The following TVP23A variants were observed in gnomAD, a reference collection of about 807,000 sequenced individuals.
The protein encoded by TVP23A is Golgi apparatus membrane protein TVP23 homolog A.
In TVP23A, 21 loss-of-function variants were observed where a neutral mutation model predicts 31.7. The observed-to-expected ratio is 0.66, with a 90% CI of 0.47 to 0.95. The LOEUF (loss-of-function observed/expected upper bound fraction) is 0.95. Ranked by LOEUF, TVP23A falls within the 40% of genes least tolerant of loss-of-function variation. The pLI, the probability that TVP23A is intolerant of heterozygous loss-of-function variation, is 0.00. For missense variants in TVP23A, 279 were observed against 255.6 expected, an observed-to-expected ratio of 1.09 and a Z score of -0.62; for synonymous variants, 104 against 96.0, an observed-to-expected ratio of 1.08 and a Z score of -0.49.
At chr16:10,791,815 C>A (rs193275538) in intron 2 of TVP23A, among the ~76,000 whole-genome samples, 1 of 152,278 alleles carries the variant, frequency 6.6e-6, no homozygotes, top group Non-Finnish European at 1.5e-5. Flanking sequence ...CAGGGTTTCA[C>A]TGTGTTAGCC....
chr16:10,795,277 G>A lies in TVP23A; in HGVS notation c.90-20181C>T, dbSNP rs369932656. Among the ~76,000 whole-genome samples the A allele has an allele frequency of 3.4e-3, 510 of 149,526 alleles. 1 individual carries two copies. Among genetic ancestry groups the A allele is most frequent in the African/African-American group, 0.012 (477 of 40,336 alleles). ...TTTTTTTTTTTTTTTTAAAGACAGA[G>A]TCTCGCTCTGTTGCCCAGACTGGAG... is the stretch of plus-strand genomic sequence containing the variant. On this transcript the variant is annotated intron_variant, in intron 2 of 7. Transcript: ENST00000299866.
chr16:10,795,983 G>C (rs1230796939), intron 2 of TVP23A, among the ~76,000 whole-genome samples: 5 of 152,068 alleles, frequency 3.3e-5, no homozygotes. Flanking sequence ...AAATATTAAA[G>C]GATGCAACAG....
rs117391522 is a variant in TVP23A, at chr16:10,774,172, G to A, written c.235-44C>T. On this transcript the variant is annotated intron_variant, in intron 3 of 7. Coordinates refer to ENST00000299866, the MANE Select transcript of TVP23A (RefSeq NM_001079512.4). ...GGACTCTGAGCAGGTCACAGGCAAA[G>A]AGGCTTATTCACTGTATTGATAAAC... The A allele has an allele frequency of 3.8e-4, 563 of 1,464,446 alleles. 6 individuals are homozygous for A. The East Asian group carries it at 0.011, about 28-fold the overall frequency. 90.7% of individuals were successfully genotyped at this position (1,464,446 alleles called of 1,614,324 possible).
intron 2 of TVP23A, among the ~76,000 whole-genome samples, chr16:10,778,675 A>AG (rs1291712569): frequency 1.3e-5 from 2 of 151,920 alleles, no homozygotes; most frequent in African/African-American, 4.8e-5. Flanking sequence ...AAAAAAAAAA[A>AG]AGATAGAGGG....
chr16:10,812,095 T>A (rs550691639), intron 2 of TVP23A, among the ~76,000 whole-genome samples: 1 of 151,470 alleles, frequency 6.6e-6, no homozygotes, highest in Non-Finnish European at 1.5e-5. Flanking sequence ...GGCAAGAGAC[T>A]TGAATAGACA....
At chr16:10,803,044 G>A (rs1307292188) in intron 2 of TVP23A, among the ~76,000 whole-genome samples, 1 of 152,216 alleles carries the variant, frequency 6.6e-6, no homozygotes, top group African/African-American at 2.4e-5. Context: ...AGCACTTTGG[G>A]AGGCTGAGGT....
chr16:10,780,684 G>C (rs1269564310), intron 2 of TVP23A, among the ~76,000 whole-genome samples: 2 of 151,894 alleles, frequency 1.3e-5, no homozygotes, highest in African/African-American at 4.8e-5. Context: ...CTGCAAAATG[G>C]GAATGCCAAC....
intron 2 of TVP23A, among the ~76,000 whole-genome samples, chr16:10,783,958 C>G (rs754933524): frequency 3.3e-5 from 5 of 152,052 alleles, no homozygotes; most frequent in Non-Finnish European, 7.4e-5. Flanking sequence ...ATAGGTGGAG[C>G]AGAGGGGACT....
intron 2 of TVP23A, among the ~76,000 whole-genome samples, chr16:10,815,602 T>C (rs935805487): frequency 2.6e-5 from 4 of 152,188 alleles, no homozygotes; most frequent in African/African-American, 9.7e-5. Flanking sequence ...GGAATGCTGC[T>C]AAACATCCCA....
rs550100366 is a variant in TVP23A at position 10,815,610 on chromosome 16, C to T, written c.89+2493G>A. 3.3e-5 allele frequency among the ~76,000 whole-genome samples: 5 copies of T among 152,230 alleles called. No individual in the cohort carries two copies. The East Asian group carries it at 7.7e-4, about 23-fold the overall frequency. Reference sequence around the variant, plus strand: ...GAGGCCAGGAATGCTGCTAAACATCCCACGGTGCACAGGACACTCCTTACA... The same window carrying T: ...GAGGCCAGGAATGCTGCTAAACATCTCACGGTGCACAGGACACTCCTTACA... On this transcript the variant is annotated intron_variant, in intron 2 of 7. Transcript: ENST00000299866.
chr16:10,814,762 A>T (rs1409181028), intron 2 of TVP23A, among the ~76,000 whole-genome samples: 1 of 152,238 alleles, frequency 6.6e-6, no homozygotes, highest in East Asian at 1.9e-4. Context: ...TAATCACCAC[A>T]GGTGGCTGAG....
chr16:10,773,727 C>T (rs529912917), intron 4 of TVP23A, among the ~76,000 whole-genome samples: 9 of 152,042 alleles, frequency 5.9e-5, no homozygotes, highest in Non-Finnish European at 1.0e-4. Flanking sequence ...CCTGCCACCA[C>T]GCCCAGCTAA....
Position 10,766,790 on chromosome 16 carries a change from TA to T in TVP23A, c.*2311del. 2.5e-6 allele frequency: 1 copy of T among 397,288 alleles called. No homozygotes were observed. The highest frequency in any genetic ancestry group is 3.6e-5 in the East Asian group (1 of 28,072). The allele number at this position is 397,288 out of a possible 1,614,324, so 24.6% of individuals were successfully genotyped here. On this transcript the variant is annotated 3_prime_UTR_variant, in exon 8 of 8. Coordinates refer to ENST00000299866, the MANE Select transcript of TVP23A (RefSeq NM_001079512.4). The surrounding 1 kb of genome is among the most constrained non-coding windows in gnomAD (Gnocchi z 4.8). ...CCATTACAGAGTTTTTGTGTTTAAA[TA>T]CCCTCTACTTGAGGTACGCCCTATA...
At chr16:10,776,466 C>G (rs1268384770) in intron 2 of TVP23A, among the ~76,000 whole-genome samples, 1 of 152,172 alleles carries the variant, frequency 6.6e-6, no homozygotes, top group Non-Finnish European at 1.5e-5. Context: ...GTGGGCCAGA[C>G]TGAAGACACT....
At chr16:10,792,590 A>G (rs1257392508) in intron 2 of TVP23A, among the ~76,000 whole-genome samples, 1 of 152,252 alleles carries the variant, frequency 6.6e-6, no homozygotes, top group African/African-American at 2.4e-5. Context: ...AGTTTCAGCA[A>G]CAAAGCAGAA....
At chr16:10,775,524 C>G in intron 2 of TVP23A, 1 of 1,035,912 alleles carries the variant, frequency 9.7e-7, no homozygotes, top group South Asian at 3.6e-5. Flanking sequence ...GCAGGTGTCT[C>G]ATGTCATCGG....
In TVP23A at chr16:10,778,124, AG is replaced by A. The variant is rs562222171; in HGVS notation, c.90-3029del. ...CGAGGCAGGCAGATCAGTTGAAGTC[AG>A]GAATTCAAGACCAGCGTGGCCAACA... On this transcript the variant is annotated intron_variant, in intron 2 of 7. Transcript: ENST00000299866. Among the ~76,000 whole-genome samples the A allele has an allele frequency of 1.2e-4, 19 of 152,320 alleles. No homozygotes were observed. The South Asian group carries it at 3.3e-3, about 27-fold the overall frequency.
chr16:10,775,218 T>C (rs2031924511), intron 2 of TVP23A, 122 bp from the exon 3 acceptor site: 2 of 1,467,480 alleles, frequency 1.4e-6, no homozygotes. Context: ...TTCTCCCCGG[T>C]GCATATGACG....
chr16:10,808,804 CA>C (rs1247282418), intron 2 of TVP23A, among the ~76,000 whole-genome samples: 1 of 152,036 alleles, frequency 6.6e-6, no homozygotes, highest in Non-Finnish European at 1.5e-5. Flanking sequence ...GAAAAAGAAA[CA>C]CTGGTCAAAC....
Sources: allele counts gnomAD v4.1 joint callset (sites outside exome capture counted in the v4.1 genomes callset), GRCh38; gene constraint gnomAD v4.1.1; non-coding constraint Gnocchi (gnomAD v3.1); transcripts MANE v1.5; gene names NCBI Gene and HGNC (gene_info 2026-07-23, HGNC 2026-07-21).